Variants in BABAM2 observed in about 807,000 individuals in gnomAD.
BABAM2 encodes the protein BRISC and BRCA1-A complex member 2.
A neutral mutation model predicts 54.7 loss-of-function variants in BABAM2; 31 were observed. The ratio of observed to expected loss-of-function variants is 0.57; its 90% CI spans 0.43 to 0.77. The LOEUF (loss-of-function observed/expected upper bound fraction) is 0.77. Among genes scored for constraint, BABAM2 ranks in the 30% least tolerant of loss-of-function variants. The pLI, the probability that BABAM2 is intolerant of heterozygous loss-of-function variation, is 0.00. For missense variants in BABAM2, 364 were observed against 455.8 expected, an observed-to-expected ratio of 0.80 and a Z score of 1.83; for synonymous variants, 167 against 162.9, an observed-to-expected ratio of 1.03 and a Z score of -0.19.
At chr2:28,020,992 A>ACACACACAC (rs1573407146) in intron 4 of BABAM2, among the ~76,000 whole-genome samples, 2 of 89,270 alleles carry the variant, frequency 2.2e-5, no homozygotes, top group Non-Finnish European at 4.9e-5. Context: ...CACACACACA[A>ACACACACAC]ACTACTTGTA....
intron 7 of BABAM2, among the ~76,000 whole-genome samples, chr2:28,160,870 T>G (rs80131430): frequency 0.012 from 1,831 of 152,198 alleles, 12 homozygotes; most frequent in Non-Finnish European, 0.018. Context: ...GTACAGAAAT[T>G]TGTAATCTGT....
chr2:28,299,263 T>C (rs1687930119), intron 11 of BABAM2, among the ~76,000 whole-genome samples: 3 of 152,202 alleles, frequency 2.0e-5, no homozygotes, highest in Non-Finnish European at 2.9e-5. Context: ...CAACTATTGC[T>C]CATGAACCTC....
chr2:28,086,767 G>A (rs192849346), intron 6 of BABAM2, among the ~76,000 whole-genome samples: 3 of 152,196 alleles, frequency 2.0e-5, no homozygotes, highest in East Asian at 3.9e-4. Flanking sequence ...ACATAAGCAC[G>A]ACAGTGCTCT....
chr2:28,124,246 T>G (rs1486785124), intron 6 of BABAM2, among the ~76,000 whole-genome samples: 4 of 152,256 alleles, frequency 2.6e-5, no homozygotes, highest in Non-Finnish European at 5.9e-5. Context: ...AATTTGTTCC[T>G]ATGAATGTCT....
chr2:28,151,653 A>G (rs528858729), intron 7 of BABAM2, among the ~76,000 whole-genome samples: 30 of 131,222 alleles, frequency 2.3e-4, no homozygotes, highest in African/African-American at 8.7e-4. Context: ...TAATTCTTCA[A>G]TAGTGAGTTA....
chr2:28,066,115 C>T lies in BABAM2; in HGVS notation c.570+20316C>T, dbSNP rs922784653. ...TGGAAGTTGTAGTGAGCCGAGATCG[C>T]GCCACTGCACTCCAGCCTAGGCGAC... is the stretch of plus-strand genomic sequence containing the variant. On this transcript the variant is annotated intron_variant, in intron 6 of 11. Transcript: ENST00000379624. Among the ~76,000 whole-genome samples the T allele has an allele frequency of 5.3e-5, 8 of 150,716 alleles. 1 individual carries two copies. Among genetic ancestry groups the T allele is most frequent in the Admixed American group, 4.0e-4 (6 of 15,150 alleles).
At chr2:27,897,482 G>T (rs892451702) in intron 2 of BABAM2, among the ~76,000 whole-genome samples, 16 of 151,718 alleles carry the variant, frequency 1.1e-4, no homozygotes, top group African/African-American at 1.7e-4. Context: ...TTTTTGTTGA[G>T]GCAAGAGGAT....
intron 6 of BABAM2, among the ~76,000 whole-genome samples, chr2:28,108,064 GT>G (rs1036753595): frequency 1.8e-4 from 27 of 148,324 alleles, no homozygotes; most frequent in Non-Finnish European, 2.7e-4. Context: ...TTGCTGTTCC[GT>G]TTTTTTTTTA....
At chr2:28,016,377 G>T in intron 4 of BABAM2, 1 of 1,369,640 alleles carries the variant, frequency 7.3e-7, no homozygotes, top group Non-Finnish European at 1.0e-6. Context: ...GGCCTTGATC[G>T]ATTCAGATAA....
At chr2:28,288,531 C>T (rs1013183191) in intron 10 of BABAM2, among the ~76,000 whole-genome samples, 3 of 151,836 alleles carry the variant, frequency 2.0e-5, no homozygotes, top group South Asian at 2.1e-4. Context: ...TTACCATGTT[C>T]GTCAGGCTGG....
At chr2:28,045,626 C>T in intron 5 of BABAM2, 99 bp from the exon 6 acceptor site, 2 of 950,620 alleles carry the variant, frequency 2.1e-6, no homozygotes, top group East Asian at 2.8e-5. Flanking sequence ...TTGAAGATGC[C>T]TGCATTTTGA....
At chr2:28,084,861 A>G (rs1030981061) in intron 6 of BABAM2, among the ~76,000 whole-genome samples, 3 of 152,132 alleles carry the variant, frequency 2.0e-5, no homozygotes, top group African/African-American at 7.2e-5. Flanking sequence ...TACATTTTTG[A>G]CACTTTGCCA....
In BABAM2 at chr2:28,275,862, C is replaced by T. The variant is rs191592191; in HGVS notation, c.935-22476C>T. Among the ~76,000 whole-genome samples, 5 of 152,202 alleles carry T rather than the reference C, an allele frequency of 3.3e-5. No individual in the cohort carries two copies. In the East Asian group the frequency reaches 5.8e-4, roughly 18 times the overall value. On this transcript the variant is annotated intron_variant, in intron 10 of 11. Coordinates refer to ENST00000379624, the MANE Select transcript of BABAM2 (RefSeq NM_199191.3). ...AAATATTAAAATTCTGATTTTCATG[C>T]GCTGTTAGAAATAGTTTTCAAAGAA...
intron 11 of BABAM2, chr2:28,308,232 GA>G: frequency 3.0e-6 from 1 of 334,952 alleles, no homozygotes; most frequent in Non-Finnish European, 5.8e-6. Flanking sequence ...TGAAGGCCAG[GA>G]AGGCAGTGCT....
At chr2:28,203,553 C>A (rs550347074) in intron 7 of BABAM2, among the ~76,000 whole-genome samples, 3 of 152,294 alleles carry the variant, frequency 2.0e-5, no homozygotes, top group East Asian at 3.9e-4. Context: ...ACTTTTTCAT[C>A]TTCCATCTCC....
At chr2:27,901,450 C>G (rs1428428592) in intron 2 of BABAM2, among the ~76,000 whole-genome samples, 1 of 152,224 alleles carries the variant, frequency 6.6e-6, no homozygotes, top group Non-Finnish European at 1.5e-5. Context: ...TCTGCTGTGA[C>G]ATCTCATCCG....
At chr2:28,051,893 A>G (rs1228526946) in intron 6 of BABAM2, among the ~76,000 whole-genome samples, 1 of 151,788 alleles carries the variant, frequency 6.6e-6, no homozygotes, top group Non-Finnish European at 1.5e-5. Flanking sequence ...CAGGTGATCC[A>G]CCCACCTTGG....
chr2:28,114,401 C>G (rs1220947514), intron 6 of BABAM2, among the ~76,000 whole-genome samples: 1 of 152,136 alleles, frequency 6.6e-6, no homozygotes. Context: ...CGAATTCATT[C>G]TCGGTATATA....
intron 7 of BABAM2, among the ~76,000 whole-genome samples, chr2:28,201,777 A>T (rs751951095): frequency 6.6e-6 from 1 of 152,320 alleles, no homozygotes; most frequent in African/African-American, 2.4e-5. Context: ...AAGACTTATA[A>T]AGACGCTGGC....
Sources: gnomAD v4.1 joint callset for allele counts (sites outside exome capture counted in the v4.1 genomes callset) on GRCh38, gnomAD v4.1.1 for gene constraint, MANE v1.5 for transcripts, NCBI Gene and HGNC (gene_info 2026-07-23, HGNC 2026-07-21) for gene names.